Variants in ETFDH observed in about 807,000 individuals in gnomAD.
The protein encoded by ETFDH is electron transfer flavoprotein-ubiquinone oxidoreductase, mitochondrial.
Under a neutral mutation model 73.2 loss-of-function variants are expected in ETFDH, and 61 were observed. That is an observed-to-expected ratio of 0.83 (90% CI 0.68 to 1.03). The LOEUF (loss-of-function observed/expected upper bound fraction) is 1.03, where lower values mean the gene tolerates loss of function less well. Ranked by LOEUF, ETFDH falls within the 50% of genes least tolerant of loss-of-function variation. The probability of loss-of-function intolerance (pLI) is 0.00; values close to 1 mark genes in which losing one functional copy is unlikely to be tolerated. For synonymous variants in ETFDH, 243 were observed against 253.3 expected (o/e 0.96, Z 0.39); for missense variants, 685 against 745.0 (o/e 0.92, Z 0.94).
At chr4:158,691,211 A>G (rs1270143800) in intron 6 of ETFDH, among the ~76,000 whole-genome samples, 2 of 152,260 alleles carry the variant, frequency 1.3e-5, no homozygotes, top group African/African-American at 4.8e-5. Flanking sequence ...CAAATACATC[A>G]AATGAAAATA....
chr4:158,697,414 A>G, intron 7 of ETFDH, 145 bp from the exon 8 acceptor site: 1 of 724,746 alleles, frequency 1.4e-6, no homozygotes, highest in Non-Finnish European at 2.3e-6. Context: ...ATTTGAAGTA[A>G]TTTTGTTGTA....
At chr4:158,701,556 A>T (rs1346726482) in intron 9 of ETFDH, among the ~76,000 whole-genome samples, 1 of 152,096 alleles carries the variant, frequency 6.6e-6, no homozygotes, top group East Asian at 1.9e-4. Context: ...GCTTTTCACC[A>T]CTATTCCCTC....
In ETFDH at chr4:158,708,610, GC is replaced by G; in HGVS notation, c.*84del. ...TTAACAGATTTCAGAATGTCTTTCTGCATATTACTGAACAGAATAGTCACAA... is the reference window on the plus strand; with the variant it reads ...TTAACAGATTTCAGAATGTCTTTCTGATATTACTGAACAGAATAGTCACAA... On this transcript the variant is annotated 3_prime_UTR_variant, in exon 13 of 13. Transcript: ENST00000511912. 9.0e-7 allele frequency: 1 copy of G among 1,114,010 alleles called. No homozygotes were observed. Among genetic ancestry groups the G allele is most frequent in the Non-Finnish European group, 1.4e-6 (1 of 731,186 alleles). The allele number at this position is 1,114,010 out of a possible 1,614,324, so 69.0% of individuals were successfully genotyped here. A position where few individuals can be genotyped will look rare whatever the true frequency, so the allele number is the denominator to read the frequency against.
chr4:158,703,513 G>A lies in ETFDH; in HGVS notation c.1207G>A (p.Ala403Thr), dbSNP rs757556779. 5 of 1,607,736 alleles carry A rather than the reference G, an allele frequency of 3.1e-6. No individual in the cohort carries two copies. Among genetic ancestry groups the A allele is most frequent in the Non-Finnish European group, 3.4e-6 (4 of 1,174,310 alleles). The stretch of plus-strand genomic sequence containing the variant: ...TCCCAAGATCAAAGGTACTCACACA[G>A]CAATGAAAAGTGGAATTTTAGCAGC... ...NVPKIKGTHTAMKSGILAAES... is the reference protein window; with the variant it reads ...NVPKIKGTHTTMKSGILAAES... Residue 403 changes from alanine (A) to threonine (T), a missense_variant, in exon 10 of 13, where the codon GCA becomes ACA. This residue lies in a region of ETFDH where 79 missense variants were observed against 120.5 expected (regional missense o/e 0.66). Transcript: ENST00000511912.
At chr4:158,679,034 CT>C (rs1362544570) in intron 1 of ETFDH, among the ~76,000 whole-genome samples, 1 of 152,018 alleles carries the variant, frequency 6.6e-6, no homozygotes, top group African/African-American at 2.4e-5. Flanking sequence ...GCAGAGTATA[CT>C]TTTTTTCTGA....
At chr4:158,685,059 T>C (rs1445439559) in intron 4 of ETFDH, 42 bp from the exon 5 acceptor site, 6 of 1,144,478 alleles carry the variant, frequency 5.2e-6, no homozygotes, top group Non-Finnish European at 7.9e-6. Flanking sequence ...TAATGTCTTA[T>C]CAATAAAAAG....
intron 9 of ETFDH, among the ~76,000 whole-genome samples, chr4:158,699,522 A>G (rs1166162565): frequency 6.6e-6 from 1 of 152,222 alleles, no homozygotes; most frequent in African/African-American, 2.4e-5. Context: ...GTGAGCCAAG[A>G]TTGTGCCACT....
At chr4:158,675,073 A>G (rs1650763162) in intron 1 of ETFDH, among the ~76,000 whole-genome samples, 1 of 152,222 alleles carries the variant, frequency 6.6e-6, no homozygotes, top group South Asian at 2.1e-4. Flanking sequence ...ATATGTCACA[A>G]ATCATACAAT....
Position 158,695,626 on chromosome 4 carries a change from G to GA in ETFDH, c.814_815insA (p.Gly272GlufsTer11). On this transcript the variant is annotated frameshift_variant, in exon 7 of 13. Transcript: ENST00000511912. LOFTEE classifies it high-confidence loss of function. ...AGCAAATTGTGAACCTCAAACCTAC[G>GA]GGATTGGACTGAAGGAGGTATCCTG... The GA allele has an allele frequency of 6.2e-7, 1 of 1,610,214 alleles. No individual in the cohort carries two copies. The highest frequency in any genetic ancestry group is 8.5e-7 in the Non-Finnish European group (1 of 1,176,570).
intron 6 of ETFDH, among the ~76,000 whole-genome samples, chr4:158,694,422 G>A (rs1438631721): frequency 6.6e-6 from 1 of 151,936 alleles, no homozygotes; most frequent in African/African-American, 2.4e-5. Context: ...GTGAAACCCT[G>A]TCTCTACTAA....
At chr4:158,685,602 ATTT>A (rs907343089) in intron 5 of ETFDH, among the ~76,000 whole-genome samples, 2 of 151,756 alleles carry the variant, frequency 1.3e-5, no homozygotes, top group African/African-American at 4.8e-5. Flanking sequence ...TTACTCTGGA[ATTT>A]TTTTTTATTT....
chr4:158,683,775 T>C (rs963007899), intron 3 of ETFDH, among the ~76,000 whole-genome samples: 1 of 152,002 alleles, frequency 6.6e-6, no homozygotes, highest in Non-Finnish European at 1.5e-5. Context: ...ACAGACAGGA[T>C]TTTTGCCATG....
intron 9 of ETFDH, among the ~76,000 whole-genome samples, chr4:158,703,003 A>G (rs1442081654): frequency 6.6e-6 from 1 of 152,182 alleles, no homozygotes; most frequent in Non-Finnish European, 1.5e-5. Flanking sequence ...GATAATAGCC[A>G]TTCTAACTAG....
chr4:158,699,007 T>C lies in ETFDH; in HGVS notation c.993T>C (p.Asn331=). 1.2e-6 allele frequency: 2 copies of C among 1,608,488 alleles called. 1 individual carries two copies. The change falls in exon 9 of 13, where the codon AAT becomes AAC. Residue 331 remains asparagine, a synonymous_variant. Coordinates refer to ENST00000511912, the MANE Select transcript of ETFDH (RefSeq NM_004453.4). ...LGLVVGLDYQ[N]PYLSPFREFQ... ...TTAAGGTTGGTCTAGACTATCAGAA[T>C]CCATACCTGAGTCCATTTAGAGAGT... is the stretch of plus-strand genomic sequence containing the variant.
intron 12 of ETFDH, among the ~76,000 whole-genome samples, chr4:158,707,907 T>C (rs1013298923): frequency 1.3e-5 from 2 of 152,240 alleles, no homozygotes; most frequent in Non-Finnish European, 2.9e-5. Flanking sequence ...GTAGAAGTTA[T>C]GGCCAGAGTG....
At chr4:158,698,314 T>G (rs1473724234) in intron 8 of ETFDH, among the ~76,000 whole-genome samples, 1 of 152,224 alleles carries the variant, frequency 6.6e-6, no homozygotes, top group Non-Finnish European at 1.5e-5. Flanking sequence ...ATTGTTAAAT[T>G]TATGTGTTAC....
intron 10 of ETFDH, among the ~76,000 whole-genome samples, chr4:158,705,285 A>G (rs1437703499): frequency 6.6e-6 from 1 of 152,146 alleles, no homozygotes; most frequent in African/African-American, 2.4e-5. Context: ...GCAATCTCAA[A>G]TTCCTTGGCT....
At position 158,682,418 on chromosome 4, in the gene ETFDH, G is replaced by A. The variant is rs1319398122; in HGVS notation, c.399G>A (p.Glu133=). The change falls in exon 3 of 13, where the codon GAG becomes GAA. Residue 133 remains glutamate, a synonymous_variant. Coordinates refer to ENST00000511912, the MANE Select transcript of ETFDH (RefSeq NM_004453.4). The part of the protein sequence containing the change: ...AFKELFPDWK[E]KGAPLNTPVT... The stretch of plus-strand genomic sequence containing the variant: ...AAGAACTCTTCCCAGACTGGAAAGA[G>A]AAGGGGGTATGAAAAATTGTTTTTT... 5.0e-6 allele frequency: 8 copies of A among 1,613,072 alleles called. No homozygotes were observed. The highest frequency in any genetic ancestry group is 6.8e-6 in the Non-Finnish European group (8 of 1,179,186).
chr4:158,707,038 C>CAAA (rs77764489), intron 12 of ETFDH, among the ~76,000 whole-genome samples, 188 bp downstream of exon 12: 2 of 107,650 alleles, frequency 1.9e-5, no homozygotes, highest in African/African-American at 3.3e-5. Flanking sequence ...TAACATTTCT[C>CAAA]AAAAAAAAAA....
Sources: gnomAD v4.1 joint callset for allele counts (sites outside exome capture counted in the v4.1 genomes callset) on GRCh38, gnomAD v4.1.1 for gene constraint, gnomAD v4.1.1 regional missense constraint, MANE v1.5 for transcripts, NCBI Gene and HGNC (gene_info 2026-07-23, HGNC 2026-07-21) for gene names.